EYS: variants seen among roughly 807,000 people sequenced by gnomAD.
EYS encodes EGF-like photoreceptor maintenance factor.
In EYS, 250 loss-of-function variants were observed where a neutral mutation model predicts 282.1. The observed-to-expected ratio is 0.89, with a 90% CI of 0.80 to 0.98. The LOEUF is 0.98. Among genes scored for constraint, EYS ranks in the 50% least tolerant of loss-of-function variants. EYS has a pLI of 0.00. For synonymous variants in EYS, 1,355 were observed against 1,282.9 expected, an observed-to-expected ratio of 1.06 and a Z score of -1.20; for missense variants, 4,016 against 3,709.0, an observed-to-expected ratio of 1.08 and a Z score of -2.15.
At chr6:63,913,907 C>T (rs1192515785) in intron 35 of EYS, among the ~76,000 whole-genome samples, 2 of 152,100 alleles carry the variant, frequency 1.3e-5, no homozygotes, top group South Asian at 2.1e-4. Context: ...TTTCCAACAG[C>T]GTATGCTTCT....
intron 4 of EYS, among the ~76,000 whole-genome samples, chr6:65,493,027 C>T (rs1582373487): frequency 1.3e-5 from 2 of 152,020 alleles, no homozygotes; most frequent in South Asian, 2.1e-4. Context: ...GGGATTCTTC[C>T]GCCTCAGCCT....
intron 12 of EYS, among the ~76,000 whole-genome samples, chr6:65,135,958 A>C (rs535805990): frequency 5.8e-4 from 88 of 152,248 alleles, no homozygotes; most frequent in African/African-American, 1.8e-3. Context: ...GGTATATAGC[A>C]AATCTATTTT....
At chr6:65,244,446 C>A (rs746563056) in intron 12 of EYS, among the ~76,000 whole-genome samples, 3 of 152,078 alleles carry the variant, frequency 2.0e-5, no homozygotes, top group Non-Finnish European at 2.9e-5. Context: ...TCAAAAGAAT[C>A]ATGCTGTTCT....
At chr6:63,894,289 G>A (rs1385932489) in intron 35 of EYS, among the ~76,000 whole-genome samples, 2 of 152,122 alleles carry the variant, frequency 1.3e-5, no homozygotes, top group Non-Finnish European at 2.9e-5. Context: ...TCCTGGATTA[G>A]GGTGGGTGTT....
At chr6:65,031,143 TTATA>T (rs56260229) in intron 13 of EYS, among the ~76,000 whole-genome samples, 2 of 145,498 alleles carry the variant, frequency 1.4e-5, no homozygotes, top group Non-Finnish European at 1.5e-5. Flanking sequence ...ATTTTATATT[TTATA>T]TATATATATA....
intron 12 of EYS, among the ~76,000 whole-genome samples, chr6:65,061,486 G>T (rs546389140): frequency 2.2e-4 from 33 of 151,716 alleles, no homozygotes; most frequent in African/African-American, 8.0e-4. Context: ...TCCCATTATC[G>T]ACATCCCCCA....
chr6:64,144,778 T>A (rs562356921), intron 31 of EYS, among the ~76,000 whole-genome samples: 1 of 152,148 alleles, frequency 6.6e-6, no homozygotes, highest in Non-Finnish European at 1.5e-5. Context: ...GAAACACATA[T>A]GGTCCCATGA....
chr6:64,718,617 C>A (rs1029850562), intron 22 of EYS, among the ~76,000 whole-genome samples: 6 of 152,160 alleles, frequency 3.9e-5, no homozygotes, highest in Non-Finnish European at 5.9e-5. Flanking sequence ...TTTTGCATAG[C>A]ACAGTACATT....
intron 22 of EYS, among the ~76,000 whole-genome samples, chr6:64,728,039 G>C (rs1032785257): frequency 6.6e-6 from 1 of 152,076 alleles, no homozygotes; most frequent in African/African-American, 2.4e-5. Context: ...CTGCTTCTTC[G>C]GGGCGGCAGG....
chr6:64,327,459 A>G (rs1770469572), intron 29 of EYS, among the ~76,000 whole-genome samples: 1 of 152,182 alleles, frequency 6.6e-6, no homozygotes, highest in African/African-American at 2.4e-5. Flanking sequence ...TTTGTGAGAT[A>G]GACCGGCCAT....
intron 14 of EYS, among the ~76,000 whole-genome samples, chr6:64,966,123 T>C (rs1770087082): frequency 6.6e-6 from 1 of 152,174 alleles, no homozygotes; most frequent in South Asian, 2.1e-4. Flanking sequence ...AAAGACAAGT[T>C]GATTTCTTAT....
intron 19 of EYS, among the ~76,000 whole-genome samples, chr6:64,830,669 G>A (rs926996315): frequency 3.3e-5 from 5 of 151,970 alleles, no homozygotes; most frequent in African/African-American, 1.2e-4. Context: ...AGTAATCCCT[G>A]AAAGTGATCT....
chr6:64,134,054 T>C (rs1292701674), intron 31 of EYS, among the ~76,000 whole-genome samples: 1 of 152,038 alleles, frequency 6.6e-6, no homozygotes, highest in African/African-American at 2.4e-5. Context: ...ATGTCAGTTA[T>C]AGCAGGGAGG....
chr6:64,289,361 C>A (rs764903196), intron 30 of EYS, among the ~76,000 whole-genome samples: 3 of 152,020 alleles, frequency 2.0e-5, no homozygotes, highest in Non-Finnish European at 2.9e-5. Flanking sequence ...TCTTATATAT[C>A]CACTAGAAGA....
chr6:64,095,028 G>T (rs992363429), intron 31 of EYS, among the ~76,000 whole-genome samples: 2 of 152,136 alleles, frequency 1.3e-5, no homozygotes, highest in Non-Finnish European at 2.9e-5. Flanking sequence ...AGTCATTCAG[G>T]AGCAGGTTGT....
At position 65,261,103 on chromosome 6, in the gene EYS, C is replaced by T. The variant is rs150547161; in HGVS notation, c.2023+34760G>A. 1.5e-4 allele frequency among the ~76,000 whole-genome samples: 23 copies of T among 152,080 alleles called. 1 individual carries two copies. Among genetic ancestry groups the T allele is most frequent in the African/African-American group, 5.1e-4 (21 of 41,532 alleles). On this transcript the variant is annotated intron_variant, in intron 12 of 42. Transcript: ENST00000503581. ...TGGAGAATAAGAACATTTCAGAATG[C>T]ATTACGAACATTTTAAGAGCAGAGA... is the stretch of plus-strand genomic sequence containing the variant.
chr6:65,546,815 C>A (rs1338319760), intron 2 of EYS, among the ~76,000 whole-genome samples: 1 of 152,164 alleles, frequency 6.6e-6, no homozygotes, highest in South Asian at 2.1e-4. Flanking sequence ...AAGTGATCTA[C>A]CCACATTGAC....
At chr6:65,443,219 T>TGC (rs1768456533) in intron 5 of EYS, among the ~76,000 whole-genome samples, 1 of 151,832 alleles carries the variant, frequency 6.6e-6, no homozygotes, top group Non-Finnish European at 1.5e-5. Flanking sequence ...ATGCATCATA[T>TGC]ACACATGTAT....
intron 26 of EYS, among the ~76,000 whole-genome samples, chr6:64,496,077 T>C (rs1776880483): frequency 6.6e-6 from 1 of 151,830 alleles, no homozygotes; most frequent in Non-Finnish European, 1.5e-5. Flanking sequence ...TTAATCAAGA[T>C]ATGCAAAGGT....
Sources: gnomAD v4.1 joint callset for allele counts (sites outside exome capture counted in the v4.1 genomes callset) on GRCh38, gnomAD v4.1.1 for gene constraint, MANE v1.5 for transcripts, NCBI Gene and HGNC (gene_info 2026-07-23, HGNC 2026-07-21) for gene names.